Variants in ABAT observed in about 807,000 individuals in gnomAD.
The protein encoded by ABAT is 4-aminobutyrate aminotransferase, mitochondrial.
ABAT carries 45 observed loss-of-function variants against 64.6 expected under a neutral mutation model. The ratio of observed to expected loss-of-function variants is 0.70; its 90% CI spans 0.55 to 0.89. The LOEUF (loss-of-function observed/expected upper bound fraction) is 0.89. Ranked by LOEUF, ABAT falls within the 40% of genes least tolerant of loss-of-function variation. The pLI, the probability that ABAT is intolerant of heterozygous loss-of-function variation, is 0.00. For missense variants in ABAT, 633 were observed against 658.4 expected (o/e 0.96, Z 0.42); for synonymous variants, 297 against 250.5 (o/e 1.19, Z -1.75).
chr16:8,689,088 A>G (rs964436828), intron 1 of ABAT, among the ~76,000 whole-genome samples: 1 of 152,072 alleles, frequency 6.6e-6, no homozygotes, highest in African/African-American at 2.4e-5. Context: ...TCAAAAAAAA[A>G]AAAAAAAAAG....
chr16:8,747,361 T>C (rs1466301866), intron 3 of ABAT, among the ~76,000 whole-genome samples: 1 of 152,214 alleles, frequency 6.6e-6, no homozygotes, highest in African/African-American at 2.4e-5. Flanking sequence ...GCAACTATTT[T>C]ATAAATCCAG....
intron 5 of ABAT, among the ~76,000 whole-genome samples, chr16:8,754,562 T>C (rs2142791537): frequency 1.3e-5 from 2 of 152,238 alleles, no homozygotes; most frequent in South Asian, 2.1e-4. Flanking sequence ...GCAAGCTCGT[T>C]TTGCACAAAC....
chr16:8,738,568 G>T, intron 2 of ABAT: 2 of 383,228 alleles, frequency 5.2e-6, no homozygotes, highest in South Asian at 2.0e-5. Context: ...AGTTATCAAT[G>T]GCTTTTGAGG....
At chr16:8,691,623 T>C (rs1341223908) in intron 1 of ABAT, among the ~76,000 whole-genome samples, 1 of 152,166 alleles carries the variant, frequency 6.6e-6, no homozygotes, top group Non-Finnish European at 1.5e-5. Context: ...GTATTTTTAA[T>C]AGAGAGGGGG....
rs1469440002 is a variant in ABAT at position 8,750,486 on chromosome 16, T to G, written c.263T>G (p.Val88Gly). ...AGCCGAGGCAATTACCTGGTTGATG[T>G]GGACGGCAACCGAATGCTGGATCTT... Reference protein sequence around the residue: ...EESRGNYLVDVDGNRMLDLYS... With the variant: ...EESRGNYLVDGDGNRMLDLYS... Residue 88 changes from valine to glycine, a missense_variant, in exon 5 of 16, where the codon GTG becomes GGG. Val to Gly is a moderately radical substitution (Grantham distance 109). Transcript: ENST00000268251. 1.2e-6 allele frequency: 2 copies of G among 1,614,102 alleles called. No homozygotes were observed. Among genetic ancestry groups the G allele is most frequent in the East Asian group, 2.2e-5 (1 of 44,900 alleles).
chr16:8,764,046 A>T lies in ABAT; in HGVS notation c.367-23A>T. The T allele has an allele frequency of 1.2e-6, 2 of 1,611,274 alleles. No individual in the cohort carries two copies. Among genetic ancestry groups the T allele is most frequent in the Non-Finnish European group, 1.7e-6 (2 of 1,177,716 alleles). ...CTGGGTCAGGCCCCCAGAAGTCACC[A>T]TTTGTCTCTTGCCCTTTTGCAGAGC... is the stretch of plus-strand genomic sequence containing the variant. On this transcript the variant is annotated intron_variant, in intron 6 of 15. Coordinates refer to ENST00000268251, the MANE Select transcript of ABAT (RefSeq NM_020686.6). This position sits in a 1 kb window ranked among gnomAD's most constrained non-coding sequence, Gnocchi z 4.2.
chr16:8,695,082 C>A (rs1567273195), intron 1 of ABAT, among the ~76,000 whole-genome samples: 2 of 152,184 alleles, frequency 1.3e-5, no homozygotes, highest in Non-Finnish European at 1.5e-5. Flanking sequence ...GGCATTTGAC[C>A]TTGTCTGATC....
chr16:8,762,667 G>A (rs1235672344), intron 6 of ABAT, among the ~76,000 whole-genome samples: 1 of 152,140 alleles, frequency 6.6e-6, no homozygotes, highest in Non-Finnish European at 1.5e-5. Flanking sequence ...AGACCCAGAC[G>A]GCTGTCAAGC....
At chr16:8,772,330 A>T (rs764976622) in intron 11 of ABAT, among the ~76,000 whole-genome samples, 10 of 147,180 alleles carry the variant, frequency 6.8e-5, no homozygotes, top group Non-Finnish European at 1.2e-4. Context: ...ATTTCTCTCA[A>T]TATACCCGTG....
At chr16:8,742,854 A>G (rs1245723900) in intron 2 of ABAT, among the ~76,000 whole-genome samples, 3 of 130,484 alleles carry the variant, frequency 2.3e-5, no homozygotes, top group Admixed American at 8.7e-5. Flanking sequence ...CGACAGAGTG[A>G]GACCCTGTCT....
intron 1 of ABAT, among the ~76,000 whole-genome samples, chr16:8,726,025 C>T (rs535070392): frequency 3.3e-5 from 5 of 152,140 alleles, no homozygotes; most frequent in African/African-American, 1.2e-4. Flanking sequence ...ACAGACCCTT[C>T]TATTCTTTCT....
At chr16:8,708,079 C>T (rs1315598917) in intron 1 of ABAT, among the ~76,000 whole-genome samples, 4 of 152,156 alleles carry the variant, frequency 2.6e-5, no homozygotes, top group African/African-American at 7.2e-5. Context: ...GAGTGAAGTC[C>T]GTCTTGTGTT....
intron 5 of ABAT, among the ~76,000 whole-genome samples, chr16:8,751,149 A>G (rs2059469566): frequency 6.6e-6 from 1 of 151,822 alleles, no homozygotes; most frequent in South Asian, 2.1e-4. Flanking sequence ...GGGTTTTACC[A>G]TGTTGGCCAG....
At chr16:8,753,116 C>T (rs1239531854) in intron 5 of ABAT, among the ~76,000 whole-genome samples, 25 of 141,070 alleles carry the variant, frequency 1.8e-4, no homozygotes, top group Non-Finnish European at 2.7e-4. Context: ...TTTTTTTAGA[C>T]GGAGTCTTGC....
intron 1 of ABAT, among the ~76,000 whole-genome samples, chr16:8,686,834 A>G (rs900427936): frequency 5.3e-5 from 8 of 152,160 alleles, no homozygotes; most frequent in Admixed American, 1.3e-4. Context: ...GAAATGAACT[A>G]CCCCTGCAAA....
intron 1 of ABAT, among the ~76,000 whole-genome samples, chr16:8,732,918 G>A (rs1209071523): frequency 1.3e-5 from 2 of 149,108 alleles, no homozygotes; most frequent in Non-Finnish European, 3.0e-5. Flanking sequence ...GCGGCTGGCC[G>A]GGCGGGGGGC....
At chr16:8,691,864 C>T (rs1156310454) in intron 1 of ABAT, among the ~76,000 whole-genome samples, 1 of 152,198 alleles carries the variant, frequency 6.6e-6, no homozygotes, top group Non-Finnish European at 1.5e-5. Context: ...TAACTCCTCC[C>T]TCCGCAACAA....
At chr16:8,769,019 G>C (rs1370765800) in intron 11 of ABAT, 46 bp downstream of exon 11, 4 of 1,612,568 alleles carry the variant, frequency 2.5e-6, no homozygotes, top group Non-Finnish European at 2.5e-6. Flanking sequence ...CAGTCCTGTT[G>C]CTCTTGCCGC....
chr16:8,744,768 C>T (rs796336432), intron 2 of ABAT, among the ~76,000 whole-genome samples: 26 of 151,686 alleles, frequency 1.7e-4, no homozygotes, highest in African/African-American at 2.4e-4. Context: ...CTTGGGAGGC[C>T]GAGGCAGGAG....
Sources: gnomAD v4.1 joint callset for allele counts (sites outside exome capture counted in the v4.1 genomes callset) on GRCh38, gnomAD v4.1.1 for gene constraint, Gnocchi (gnomAD v3.1) non-coding constraint, MANE v1.5 for transcripts, NCBI Gene and HGNC (gene_info 2026-07-23, HGNC 2026-07-21) for gene names.